Variants in IZUMO4 observed in about 807,000 individuals in gnomAD.
IZUMO4 encodes izumo sperm-egg fusion protein 4.
Under a neutral mutation model 37.1 loss-of-function variants are expected in IZUMO4, and 51 were observed. The observed-to-expected ratio is 1.38, with a 90% CI of 1.10 to 1.74. IZUMO4 has a LOEUF of 1.74. Ranked by LOEUF, IZUMO4 falls within the 40% of genes most tolerant of loss-of-function variation. IZUMO4 has a pLI of 0.00. For missense variants in IZUMO4, 364 were observed against 299.6 expected (o/e 1.21, Z -1.59); for synonymous variants, 162 against 121.4 (o/e 1.33, Z -2.20).
In IZUMO4 at chr19:2,097,330, C is replaced by G. The variant is rs2017730356; in HGVS notation, c.296C>G (p.Pro99Arg). 5 of 1,612,544 alleles carry G rather than the reference C, an allele frequency of 3.1e-6. No individual in the cohort carries two copies. The South Asian group carries it at 4.4e-5, about 14-fold the overall frequency. Reference sequence around the variant, plus strand: ...CTGTACCAGGGGAAGATGTACTTCCCCGGTAAGGGGCGCGAAACCGAGGCG... The same window carrying G: ...CTGTACCAGGGGAAGATGTACTTCCGCGGTAAGGGGCGCGAAACCGAGGCG... ...DQLYQGKMYFPGYFPNELRNI... is the reference protein window; with the variant it reads ...DQLYQGKMYFRGYFPNELRNI... Residue 99 changes from proline to arginine, a missense_variant and splice_region_variant, in exon 2 of 10, where the codon CCC (proline) becomes CGC (arginine). Physicochemically the swap from Pro to Arg is moderately radical, Grantham distance 103 (BLOSUM62 -2). Coordinates refer to ENST00000395301, the MANE Select transcript of IZUMO4 (RefSeq NM_001039846.2).
At position 2,097,044 on chromosome 19, in the gene IZUMO4, C is replaced by T. The variant is rs751237568; in HGVS notation, c.99C>T (p.Arg33=). The part of the protein sequence containing the change: ...SNFSKKFSFY[R]HHVNFKSWWV... ...TCTCCAAGAAGTTCTCCTTCTACCG[C>T]CACCATGTGAACTTCAAGTCCTGGT... The change falls in exon 1 of 10, where the codon CGC becomes CGT. Residue 33 remains arginine (R), a synonymous_variant. Coordinates refer to ENST00000395301, the MANE Select transcript of IZUMO4 (RefSeq NM_001039846.2). The T allele has an allele frequency of 1.2e-6, 2 of 1,612,672 alleles. No homozygotes were observed. Among genetic ancestry groups the T allele is most frequent in the South Asian group, 2.2e-5 (2 of 91,088 alleles).
At position 2,098,815 on chromosome 19, in the gene IZUMO4, C is replaced by A; in HGVS notation, c.554+11C>A. 1 of 1,597,158 alleles carries A rather than the reference C, an allele frequency of 6.3e-7. No homozygotes were observed. The highest frequency in any genetic ancestry group is 8.5e-7 in the Non-Finnish European group (1 of 1,170,980). On this transcript the variant is annotated intron_variant, in intron 8 of 9. Coordinates refer to ENST00000395301, the MANE Select transcript of IZUMO4 (RefSeq NM_001039846.2). ...GGACACGAGCATGAGGTAAGGCCGC[C>A]CTGACCTGGACTTCAGGGGGAGGGG...
Position 2,098,159 on chromosome 19 carries a change from A to G in IZUMO4, c.473+32A>G, listed in dbSNP as rs1485594289. 7 of 1,612,134 alleles carry G rather than the reference A, an allele frequency of 4.3e-6. No individual in the cohort carries two copies. In the South Asian group the frequency reaches 6.6e-5, roughly 15 times the overall value. On this transcript the variant is annotated intron_variant, in intron 5 of 9. Transcript: ENST00000395301. Reference sequence around the variant, plus strand: ...CTCAGGCATCACACCCACCCGTGCCAGGGCCCTACTGTCCCTGGGGTCCCA... The same window carrying G: ...CTCAGGCATCACACCCACCCGTGCCGGGGCCCTACTGTCCCTGGGGTCCCA...
rs779250447 is a variant in IZUMO4 at position 2,099,265 on chromosome 19, C to T, written c.619C>T (p.Pro207Ser). Reference sequence around the variant, plus strand: ...CTCGTCTCCCCGCAGCCTGGTATCGCCAGCCTTAAGGTGTCTGGAGCCCCC... The same window carrying T: ...CTCGTCTCCCCGCAGCCTGGTATCGTCAGCCTTAAGGTGTCTGGAGCCCCC... ...HRATPAFLVS[P>S]ALRCLEPPHL... Residue 207 changes from proline (P) to serine (S), a missense_variant, in exon 10 of 10, where the codon CCA becomes TCA. Pro to Ser is a moderately conservative substitution (Grantham distance 74). Coordinates refer to ENST00000395301, the MANE Select transcript of IZUMO4 (RefSeq NM_001039846.2). 6 of 1,612,666 alleles carry T rather than the reference C, an allele frequency of 3.7e-6. No individual in the cohort carries two copies. The highest frequency in any genetic ancestry group is 1.1e-5 in the South Asian group (1 of 91,084).
In IZUMO4 at chr19:2,097,311, C is replaced by CAGGGGAAA; in HGVS notation, c.284_285insAAGGGGAA (p.Met96ArgfsTer79). 1 of 1,612,818 alleles carries CAGGGGAAA rather than the reference C, an allele frequency of 6.2e-7. No homozygotes were observed. Among genetic ancestry groups the CAGGGGAAA allele is most frequent in the South Asian group, 1.1e-5 (1 of 91,080 alleles). ...GTACCAGATGATGGATCAGCTGTAC[C>CAGGGGAAA]AGGGGAAGATGTACTTCCCCGGTAA... On this transcript the variant is annotated frameshift_variant, in exon 2 of 10. Coordinates refer to ENST00000395301, the MANE Select transcript of IZUMO4 (RefSeq NM_001039846.2). LOFTEE classifies it high-confidence loss of function.
At chr19:2,098,865 A>AG in intron 8 of IZUMO4, 61 bp downstream of exon 8, 1 of 1,344,440 alleles carries the variant, frequency 7.4e-7, no homozygotes, top group Non-Finnish European at 1.1e-6. Flanking sequence ...GAGGGGGGCT[A>AG]GGGGGTCCTC....
intron 3 of IZUMO4, chr19:2,097,717 C>A: frequency 2.9e-6 from 2 of 693,526 alleles, no homozygotes; most frequent in Non-Finnish European, 4.9e-6. Context: ...GGGAGTGTTG[C>A]CACCGCCCTC....
At chr19:2,098,413 G>A in intron 6 of IZUMO4, 23 bp from the exon 7 acceptor site, 3 of 1,614,024 alleles carry the variant, frequency 1.9e-6, no homozygotes, top group South Asian at 1.1e-5. Context: ...GGCCTCCTGA[G>A]TCCAAACCCA....
At chr19:2,097,852 C>T in intron 3 of IZUMO4, 77 bp from the exon 4 acceptor site, 1 of 1,570,390 alleles carries the variant, frequency 6.4e-7, no homozygotes, top group Non-Finnish European at 8.7e-7. Flanking sequence ...GGCCCTGAGG[C>T]TTTGGAGGGT....
rs1195909556 is a variant in IZUMO4, at chr19:2,099,475, C to T, written c.*130C>T. On this transcript the variant is annotated 3_prime_UTR_variant, in exon 10 of 10. Transcript: ENST00000395301. ...CCGACCCCGGACAGAGCTGAGCTGG[C>T]CAGGGCCAGGAGGGCGGGAGGGAGG... 2 of 643,078 alleles carry T rather than the reference C, an allele frequency of 3.1e-6. No homozygotes were observed. The highest frequency in any genetic ancestry group is 4.7e-5 in the Admixed American group (2 of 42,490). 39.8% of individuals were successfully genotyped at this position (643,078 alleles called of 1,614,324 possible).
At chr19:2,098,212 T>C in intron 5 of IZUMO4, 75 bp from the exon 6 acceptor site, 2 of 1,610,932 alleles carry the variant, frequency 1.2e-6, no homozygotes, top group Non-Finnish European at 1.7e-6. Context: ...GCTCCCCGCC[T>C]TCCACCTGGC....
At position 2,098,447 on chromosome 19, in the gene IZUMO4, A is replaced by G. The variant is rs1555697831; in HGVS notation, c.533A>G (p.His178Arg). The G allele has an allele frequency of 1.9e-6, 3 of 1,613,900 alleles. No homozygotes were observed. The highest frequency in any genetic ancestry group is 2.5e-6 in the Non-Finnish European group (3 of 1,180,026). The change falls in exon 7 of 10, where the codon CAC becomes CGC. Residue 178 changes from histidine to arginine, a missense_variant. His to Arg is a conservative substitution (Grantham distance 29). Transcript: ENST00000395301. ...QGLLNYINNW[H>R]KQDTSMRPRS... is the part of the protein sequence containing the mutation. ...CACTGTCTTTGTAGAAATAACTGGC[A>G]CAAGTAAGTCCCCTCCTCAAACCAA... is the stretch of plus-strand genomic sequence containing the variant.
In IZUMO4 at chr19:2,099,283, G is replaced by C; in HGVS notation, c.637G>C (p.Glu213Gln). ...GGTATCGCCAGCCTTAAGGTGTCTG[G>C]AGCCCCCACACTTGGCCAACCTGAC... ...FLVSPALRCL[E>Q]PPHLANLTLE... is the part of the protein sequence containing the mutation. Residue 213 changes from glutamate (E) to glutamine (Q), a missense_variant, in exon 10 of 10, where the codon GAG becomes CAG. Coordinates refer to ENST00000395301, the MANE Select transcript of IZUMO4 (RefSeq NM_001039846.2). 1 of 1,612,954 alleles carries C rather than the reference G, an allele frequency of 6.2e-7. No individual in the cohort carries two copies. The highest frequency in any genetic ancestry group is 8.5e-7 in the Non-Finnish European group (1 of 1,179,872).
Position 2,097,146 on chromosome 19 carries a change from C to T in IZUMO4, c.201C>T (p.Ala67=). The change falls in exon 1 of 10, where the codon GCC becomes GCT. Residue 67 remains alanine, a synonymous_variant. Transcript: ENST00000395301. ...ACACGATGAAGGAGCTGCACCTGGC[C>T]ATCCCCGCCAAGATCAGTGAGTGCC... ...SDDTMKELHL[A]IPAKITREKL... is the part of the protein sequence containing the mutation. 1.9e-6 allele frequency: 3 copies of T among 1,610,664 alleles called. No homozygotes were observed. Among genetic ancestry groups the T allele is most frequent in the Non-Finnish European group, 2.5e-6 (3 of 1,178,576 alleles).
rs747769432 is a variant in IZUMO4 at position 2,099,019 on chromosome 19, A to AT, written c.598_599insT (p.Thr200IlefsTer28). On this transcript the variant is annotated frameshift_variant, in exon 9 of 10. Transcript: ENST00000395301. LOFTEE classifies it low-confidence loss of function (END_TRUNC). ...CTCCTGGCCTGGGACACACAGAGCC[A>AT]CCCCGGCCTTGTGAGTGACCCAGAG... 4.3e-6 allele frequency: 7 copies of AT among 1,612,968 alleles called. No homozygotes were observed. The East Asian group carries it at 1.6e-4, about 36-fold the overall frequency.
intron 9 of IZUMO4, 26 bp downstream of exon 9, chr19:2,099,055 T>C: frequency 6.2e-7 from 1 of 1,607,884 alleles, no homozygotes; most frequent in South Asian, 1.1e-5. Context: ...AAGGGAGGCC[T>C]CGGGAGAAGG....
In IZUMO4 at chr19:2,098,087, T is replaced by C; in HGVS notation, c.433T>C (p.Cys145Arg). 2 of 1,613,490 alleles carry C rather than the reference T, an allele frequency of 1.2e-6. No homozygotes were observed. Among genetic ancestry groups the C allele is most frequent in the South Asian group, 1.1e-5 (1 of 91,086 alleles). The change falls in exon 5 of 10, where the codon TGC becomes CGC. Residue 145 changes from cysteine to arginine, a missense_variant. Coordinates refer to ENST00000395301, the MANE Select transcript of IZUMO4 (RefSeq NM_001039846.2). ...GTACGAGACCATCTCCTGCAACAACTGCACAGACTCGCACGTCGCCTGCTT... is the reference window on the plus strand; with the variant it reads ...GTACGAGACCATCTCCTGCAACAACCGCACAGACTCGCACGTCGCCTGCTT... ...FQYETISCNNCTDSHVACFGY... is the reference protein window; with the variant it reads ...FQYETISCNNRTDSHVACFGY...
chr19:2,097,937 G>C lies in IZUMO4; in HGVS notation c.379G>C (p.Asp127His). The C allele has an allele frequency of 1.9e-6, 3 of 1,613,118 alleles. No homozygotes were observed. The highest frequency in any genetic ancestry group is 8.5e-7 in the Non-Finnish European group (1 of 1,179,976). ...IQNAIIESRI[D>H]CQHRCGIFQY... ...GTCCTGCCCTCCCACAGGCCGCATC[G>C]ACTGTCAGCACCGCTGTGGTAAGCA... Residue 127 changes from aspartate (D) to histidine (H), a missense_variant, in exon 4 of 10, where the codon GAC becomes CAC. Asp to His is a moderately conservative substitution (Grantham distance 81). Coordinates refer to ENST00000395301, the MANE Select transcript of IZUMO4 (RefSeq NM_001039846.2).
At position 2,098,132 on chromosome 19, in the gene IZUMO4, G is replaced by A. The variant is rs763996184; in HGVS notation, c.473+5G>A. 6 of 1,613,462 alleles carry A rather than the reference G, an allele frequency of 3.7e-6. No homozygotes were observed. The highest frequency in any genetic ancestry group is 5.1e-6 in the Non-Finnish European group (6 of 1,179,984). The stretch of plus-strand genomic sequence containing the variant: ...CTGCTTTGGCTATAACTGCGAGTAG[G>A]GCTCAGGCATCACACCCACCCGTGC... On this transcript the variant is annotated splice_donor_5th_base_variant and intron_variant, in intron 5 of 9. Coordinates refer to ENST00000395301, the MANE Select transcript of IZUMO4 (RefSeq NM_001039846.2).
Sources: allele counts gnomAD v4.1 joint callset, GRCh38; gene constraint gnomAD v4.1.1; transcripts MANE v1.5; gene names NCBI Gene and HGNC (gene_info 2026-07-23, HGNC 2026-07-21).